MCHR2: variants seen among roughly 807,000 people sequenced by gnomAD.
The protein encoded by MCHR2 is melanin concentrating hormone receptor 2.
A neutral mutation model predicts 24.8 loss-of-function variants in MCHR2; 15 were observed. The ratio of observed to expected loss-of-function variants is 0.60; its 90% confidence interval spans 0.40 to 0.93. MCHR2 has a LOEUF of 0.93. Among genes scored for constraint, MCHR2 ranks in the 40% least tolerant of loss-of-function variants. The probability of loss-of-function intolerance (pLI) is 0.00; values close to 1 mark genes in which losing one functional copy is unlikely to be tolerated. For missense variants in MCHR2, 386 were observed against 408.7 expected, an observed-to-expected ratio of 0.94 and a Z score of 0.48; for synonymous variants, 151 against 147.6, an observed-to-expected ratio of 1.02 and a Z score of -0.17.
rs545549546 is a variant in MCHR2 at position 99,927,936 on chromosome 6, C to T, written c.707+6462G>A. On this transcript the variant is annotated intron_variant, in intron 5 of 5. Transcript: ENST00000281806. ...TGCCAGTTTTCAAAGGGAATGCTTCCAGTTTTTGCCCATTCAGTATGATAT... is the reference window on the plus strand; with the variant it reads ...TGCCAGTTTTCAAAGGGAATGCTTCTAGTTTTTGCCCATTCAGTATGATAT... Among the ~76,000 whole-genome samples the T allele has an allele frequency of 1.2e-4, 18 of 152,210 alleles. No homozygotes were observed. The East Asian group carries it at 2.7e-3, about 23-fold the overall frequency.
chr6:99,972,288 G>A (rs982042436), intron 1 of MCHR2, among the ~76,000 whole-genome samples: 2 of 152,148 alleles, frequency 1.3e-5, no homozygotes, highest in Non-Finnish European at 2.9e-5. Flanking sequence ...GTTTAGTCTT[G>A]GGAGGGTGTA....
At chr6:99,991,765 C>T (rs1450189420) in intron 1 of MCHR2, among the ~76,000 whole-genome samples, 5 of 128,690 alleles carry the variant, frequency 3.9e-5, no homozygotes, top group African/African-American at 8.9e-5. Context: ...AGAGACCGCG[C>T]GACACTGCAC....
chr6:99,981,841 C>G (rs1311128447), intron 1 of MCHR2, among the ~76,000 whole-genome samples: 1 of 152,142 alleles, frequency 6.6e-6, no homozygotes, highest in Non-Finnish European at 1.5e-5. Flanking sequence ...CTCTGTGAGT[C>G]TCCCCTTTCT....
intron 2 of MCHR2, among the ~76,000 whole-genome samples, chr6:99,949,259 A>G (rs1271916361): frequency 6.6e-6 from 1 of 152,174 alleles, no homozygotes; most frequent in Non-Finnish European, 1.5e-5. Flanking sequence ...TATAGTCTAG[A>G]CATGCATAAA....
At chr6:99,968,153 G>C (rs915453313) in intron 1 of MCHR2, among the ~76,000 whole-genome samples, 2 of 152,054 alleles carry the variant, frequency 1.3e-5, no homozygotes, top group Admixed American at 6.6e-5. Flanking sequence ...TAGTTTACTG[G>C]GGGTATGGAA....
chr6:99,927,990 T>G (rs1774408517), intron 5 of MCHR2, among the ~76,000 whole-genome samples: 1 of 152,238 alleles, frequency 6.6e-6, no homozygotes, highest in Non-Finnish European at 1.5e-5. Flanking sequence ...AGATAGCTCT[T>G]ATGATTTTGA....
chr6:99,974,123 G>A (rs990030062), intron 1 of MCHR2, among the ~76,000 whole-genome samples: 2 of 152,176 alleles, frequency 1.3e-5, no homozygotes, highest in African/African-American at 4.8e-5. Flanking sequence ...CTAGATTGGG[G>A]AAGTTCTCCT....
intron 5 of MCHR2, among the ~76,000 whole-genome samples, chr6:99,929,999 G>T (rs1414696435): frequency 3.3e-5 from 5 of 150,136 alleles, no homozygotes; most frequent in African/African-American, 9.8e-5. Context: ...TCCATGTTTA[G>T]TGCTTCCTTC....
chr6:99,978,043 G>C (rs1775587390), intron 1 of MCHR2, among the ~76,000 whole-genome samples: 1 of 152,100 alleles, frequency 6.6e-6, no homozygotes, highest in African/African-American at 2.4e-5. Context: ...AATATAAACA[G>C]GGATCCCAAC....
intron 3 of MCHR2, 112 bp downstream of exon 3, chr6:99,947,650 G>A: frequency 1.0e-6 from 1 of 1,000,652 alleles, no homozygotes. Context: ...GTGAAACAAA[G>A]GAAGAAAACC....
In MCHR2 at chr6:99,943,080, C is replaced by G. The variant is rs201086060; in HGVS notation, c.456G>C (p.Arg152=). 4.3e-6 allele frequency: 7 copies of G among 1,613,140 alleles called. No homozygotes were observed. The highest frequency in any genetic ancestry group is 5.9e-6 in the Non-Finnish European group (7 of 1,179,438). The change falls in exon 4 of 6, where the codon CGG becomes CGC. Residue 152 remains arginine (R), a synonymous_variant. Transcript: ENST00000281806. ...AAGCTGCCCAAAGGCCCAAATTGAT[C>G]CGGATGGTCTTGTACCTTGTTCTCC... ...TRWRTRYKTI[R]INLGLWAASF... is the part of the protein sequence containing the mutation.
At chr6:99,931,341 G>T (rs1433313916) in intron 5 of MCHR2, among the ~76,000 whole-genome samples, 3 of 152,184 alleles carry the variant, frequency 2.0e-5, no homozygotes, top group Non-Finnish European at 4.4e-5. Flanking sequence ...CCAGCTGTGT[G>T]CTGGGAGAAC....
chr6:99,947,002 T>C (rs1347776081), intron 3 of MCHR2, among the ~76,000 whole-genome samples: 1 of 152,118 alleles, frequency 6.6e-6, no homozygotes, highest in African/African-American at 2.4e-5. Flanking sequence ...CTATCTGCCA[T>C]CTCTAGAGTC....
intron 1 of MCHR2, among the ~76,000 whole-genome samples, chr6:99,977,908 T>C (rs951699200): frequency 1.3e-5 from 2 of 152,216 alleles, no homozygotes; most frequent in African/African-American, 4.8e-5. Context: ...TAATATTCAA[T>C]CTTGGACCAT....
chr6:99,983,473 T>C (rs911416131), intron 1 of MCHR2, among the ~76,000 whole-genome samples: 2 of 152,214 alleles, frequency 1.3e-5, no homozygotes, highest in African/African-American at 4.8e-5. Flanking sequence ...TGCCCACTAC[T>C]GTGAACTTTC....
rs1246825183 is a variant in MCHR2 at position 99,934,426 on chromosome 6, T to C, written c.679A>G (p.Met227Val). 1 of 1,595,170 alleles carries C rather than the reference T, an allele frequency of 6.3e-7. No homozygotes were observed. Among genetic ancestry groups the C allele is most frequent in the Admixed American group, 1.8e-5 (1 of 56,068 alleles). The change falls in exon 5 of 6, where the codon ATG becomes GTG. Residue 227 changes from methionine (M) to valine (V), a missense_variant. Transcript: ENST00000281806. ...CTGGCATCCTTATTCTGTTGATACA[T>C]CTCCCAAGTATAGCATAAAATTAAA... ...YILILCYTWEMYQQNKDARCC... is the reference protein window; with the variant it reads ...YILILCYTWEVYQQNKDARCC...
intron 1 of MCHR2, among the ~76,000 whole-genome samples, chr6:99,980,547 A>ATGTGTG (rs10677779): frequency 3.1e-4 from 47 of 150,512 alleles, no homozygotes; most frequent in Non-Finnish European, 6.2e-4. Context: ...GTGAAAGCAT[A>ATGTGTG]TGTGTGTGTG....
chr6:99,958,918 G>A (rs1422342219), intron 1 of MCHR2, among the ~76,000 whole-genome samples: 1 of 152,180 alleles, frequency 6.6e-6, no homozygotes, highest in Non-Finnish European at 1.5e-5. Context: ...GCCAGGGAAT[G>A]GCATATTCTG....
intron 1 of MCHR2, among the ~76,000 whole-genome samples, chr6:99,983,132 TG>T (rs1251362243): frequency 2.1e-5 from 2 of 94,696 alleles, no homozygotes; most frequent in African/African-American, 2.9e-5. Flanking sequence ...AGCTAATTTT[TG>T]GTTTTTTTTG....
Sources: allele counts gnomAD v4.1 joint callset (sites outside exome capture counted in the v4.1 genomes callset), GRCh38; gene constraint gnomAD v4.1.1; transcripts MANE v1.5; gene names NCBI Gene and HGNC (gene_info 2026-07-23, HGNC 2026-07-21).